PKNOX2: variants seen among roughly 807,000 people sequenced by gnomAD.
PKNOX2 encodes the protein homeobox protein PKNOX2.
PKNOX2 carries 14 observed loss-of-function variants against 53.1 expected under a neutral mutation model. The observed-to-expected ratio is 0.26, with a 90% confidence interval of 0.17 to 0.41. The LOEUF is 0.41. PKNOX2 is among the 10% of genes least tolerant of loss of function. The pLI is 1.00. For missense variants in PKNOX2, 496 were observed against 602.8 expected (o/e 0.82, Z 1.85); for synonymous variants, 257 against 242.8 (o/e 1.06, Z -0.54).
chr11:125,187,060 C>G (rs1956490898), intron 1 of PKNOX2, among the ~76,000 whole-genome samples: 1 of 152,172 alleles, frequency 6.6e-6, no homozygotes, highest in South Asian at 2.1e-4. Context: ...TACTCAATTC[C>G]ACCAGTCTAA....
At chr11:125,224,276 A>G (rs1415953884) in intron 1 of PKNOX2, among the ~76,000 whole-genome samples, 2 of 152,366 alleles carry the variant, frequency 1.3e-5, no homozygotes, top group East Asian at 3.9e-4. Context: ...TGTGGCTGGC[A>G]GGTGCCAGGT....
At chr11:125,384,336 G>A (rs1953468108) in intron 5 of PKNOX2, among the ~76,000 whole-genome samples, 1 of 152,148 alleles carries the variant, frequency 6.6e-6, no homozygotes, top group African/African-American at 2.4e-5. Flanking sequence ...TTGGCGGTGG[G>A]GGAATGGGGG....
At chr11:125,261,521 G>A (rs1370150842) in intron 2 of PKNOX2, among the ~76,000 whole-genome samples, 1 of 152,140 alleles carries the variant, frequency 6.6e-6, no homozygotes. Context: ...TCTGGACAGG[G>A]GTCCTTGTGG....
chr11:125,238,062 C>T (rs35584166), intron 2 of PKNOX2, among the ~76,000 whole-genome samples: 40,697 of 152,156 alleles, frequency 0.27, 6,426 homozygotes, highest in East Asian at 0.5. Flanking sequence ...GCTGTGCCCT[C>T]CAAGAACTAT....
At chr11:125,374,153 C>T (rs1377798219) in intron 5 of PKNOX2, among the ~76,000 whole-genome samples, 1 of 152,120 alleles carries the variant, frequency 6.6e-6, no homozygotes, top group Non-Finnish European at 1.5e-5. Context: ...TGAAGTTGAC[C>T]CTGGGGCTTA....
chr11:125,410,753 G>A (rs747844239), intron 8 of PKNOX2, 26 bp from the exon 9 acceptor site: 10 of 1,584,904 alleles, frequency 6.3e-6, no homozygotes, highest in African/African-American at 1.3e-5. Flanking sequence ...CATGGCAGGG[G>A]ACCCCAAAAC....
intron 3 of PKNOX2, among the ~76,000 whole-genome samples, chr11:125,345,465 T>C (rs916469390): frequency 5.3e-5 from 8 of 152,148 alleles, no homozygotes; most frequent in Admixed American, 5.2e-4. Flanking sequence ...CACCAAGCTC[T>C]GGCAGACACC....
chr11:125,431,253 A>G lies in PKNOX2; in HGVS notation c.1280A>G (p.Asp427Gly), dbSNP rs1044947176. The change falls in exon 13 of 13, where the codon GAC (aspartate) becomes GGC (glycine). Residue 427 changes from aspartate (D) to glycine (G), a missense_variant. By Grantham distance (94) the Asp-to-Gly change is moderately conservative (BLOSUM62 -1). Around this residue, in one of 5 missense-constraint regions of PKNOX2, gnomAD observed 139 missense variants for 161.3 expected, o/e 0.86. Transcript: ENST00000298282. ...CAGGCTATGATGGCTGCACACGATG[A>G]CTCATTGGATGGGACAGAAGAAGAG... The part of the protein sequence containing the change: ...MQQAMMAAHD[D>G]SLDGTEEEDE... 2 of 1,613,636 alleles carry G rather than the reference A, an allele frequency of 1.2e-6. No individual in the cohort carries two copies. The highest frequency in any genetic ancestry group is 1.3e-5 in the African/African-American group (1 of 74,884).
At chr11:125,391,366 A>T (rs1954040871) in intron 6 of PKNOX2, among the ~76,000 whole-genome samples, 1 of 152,156 alleles carries the variant, frequency 6.6e-6, no homozygotes, top group Non-Finnish European at 1.5e-5. Context: ...TATCAAGTGG[A>T]AAGGCCACGA....
At chr11:125,376,528 G>A (rs1952852176) in intron 5 of PKNOX2, among the ~76,000 whole-genome samples, 1 of 152,154 alleles carries the variant, frequency 6.6e-6, no homozygotes. Context: ...CCCAAAGAAG[G>A]CAGGTCCTTT....
chr11:125,287,499 C>T (rs1946981068), intron 2 of PKNOX2, among the ~76,000 whole-genome samples: 1 of 152,180 alleles, frequency 6.6e-6, no homozygotes, highest in African/African-American at 2.4e-5. Flanking sequence ...TCCTCTGTCC[C>T]ATGTGGCGGG....
intron 1 of PKNOX2, among the ~76,000 whole-genome samples, chr11:125,176,094 C>G (rs1230019480): frequency 6.6e-6 from 1 of 152,150 alleles, no homozygotes; most frequent in Non-Finnish European, 1.5e-5. Context: ...CGTGAGTTCC[C>G]CTGGGATTCC....
In PKNOX2 at chr11:125,325,957, A is replaced by G. The variant is rs565055582; in HGVS notation, c.-129-5862A>G. Among the ~76,000 whole-genome samples, 9 of 152,362 alleles carry G rather than the reference A, an allele frequency of 5.9e-5. No individual in the cohort carries two copies. The East Asian group carries it at 1.7e-3, about 29-fold the overall frequency. On this transcript the variant is annotated intron_variant, in intron 2 of 12. Coordinates refer to ENST00000298282, the MANE Select transcript of PKNOX2 (RefSeq NM_001382323.2). ...AACTCTAATATCTTTGGCAATGAAT[A>G]ATAATAACTAAGTAAGCAAACCATC...
intron 6 of PKNOX2, among the ~76,000 whole-genome samples, chr11:125,392,891 G>T (rs1374269654): frequency 6.6e-6 from 1 of 152,110 alleles, no homozygotes; most frequent in Non-Finnish European, 1.5e-5. Context: ...GGGCGCGGTG[G>T]CTCACGCCTG....
chr11:125,204,258 G>A (rs527467328), intron 1 of PKNOX2, among the ~76,000 whole-genome samples: 24 of 152,146 alleles, frequency 1.6e-4, no homozygotes, highest in Middle Eastern at 3.2e-3. Flanking sequence ...TTAAGTCTCC[G>A]GGGAGAAGGG....
At chr11:125,300,848 AC>A (rs1051316213) in intron 2 of PKNOX2, among the ~76,000 whole-genome samples, 8 of 152,308 alleles carry the variant, frequency 5.3e-5, no homozygotes, top group African/African-American at 1.9e-4. Context: ...TGGAGCCAGA[AC>A]ACACTACTTG....
intron 3 of PKNOX2, among the ~76,000 whole-genome samples, chr11:125,342,300 G>C (rs1950730682): frequency 6.6e-6 from 1 of 152,116 alleles, no homozygotes; most frequent in African/African-American, 2.4e-5. Context: ...AGGAGAATCT[G>C]AGGTTGCACC....
intron 2 of PKNOX2, among the ~76,000 whole-genome samples, chr11:125,249,551 G>T (rs564019659): frequency 4.6e-5 from 7 of 152,294 alleles, no homozygotes; most frequent in African/African-American, 1.4e-4. Flanking sequence ...CATTTGCATT[G>T]TATCAGGTAT....
intron 1 of PKNOX2, among the ~76,000 whole-genome samples, chr11:125,168,141 G>C (rs917952660): frequency 2.0e-5 from 3 of 152,188 alleles, no homozygotes; most frequent in Non-Finnish European, 4.4e-5. Flanking sequence ...ACTGGGGGAG[G>C]GGCTTTGCCT....
Sources: gnomAD v4.1 joint callset for allele counts (sites outside exome capture counted in the v4.1 genomes callset) on GRCh38, gnomAD v4.1.1 for gene constraint, gnomAD v4.1.1 regional missense constraint, MANE v1.5 for transcripts, NCBI Gene and HGNC (gene_info 2026-07-23, HGNC 2026-07-21) for gene names.